Variants in LRRTM3 observed in about 807,000 individuals in gnomAD.
LRRTM3 encodes the protein leucine rich repeat transmembrane neuronal 3.
LRRTM3 carries 24 observed loss-of-function variants against 44.7 expected under a neutral mutation model. That is an observed-to-expected ratio of 0.54 (90% CI 0.39 to 0.76). LRRTM3 has a LOEUF of 0.76. Among genes scored for constraint, LRRTM3 ranks in the 30% least tolerant of loss-of-function variants. LRRTM3 has a pLI of 0.00. For missense variants in LRRTM3, 587 were observed against 702.2 expected (o/e 0.84, Z 1.85); for synonymous variants, 277 against 278.7 (o/e 0.99, Z 0.06).
At chr10:66,929,761 T>C (rs1190684694) in intron 2 of LRRTM3, among the ~76,000 whole-genome samples, 1 of 152,332 alleles carries the variant, frequency 6.6e-6, no homozygotes, top group Middle Eastern at 3.4e-3. Flanking sequence ...GCTGCATGCA[T>C]GTTTTTATGT....
At chr10:67,069,400 C>CA (rs1373764919) in intron 2 of LRRTM3, among the ~76,000 whole-genome samples, 2 of 151,796 alleles carry the variant, frequency 1.3e-5, no homozygotes, top group East Asian at 3.9e-4. Context: ...CTTATTAACT[C>CA]AAAAAACGCT....
At chr10:67,068,749 G>T (rs1232159031) in intron 2 of LRRTM3, among the ~76,000 whole-genome samples, 2 of 152,144 alleles carry the variant, frequency 1.3e-5, no homozygotes, top group Non-Finnish European at 2.9e-5. Context: ...TCCTAGAGTG[G>T]TCAGTGATTA....
chr10:66,985,491 G>T (rs561000349), intron 2 of LRRTM3, among the ~76,000 whole-genome samples: 1 of 152,216 alleles, frequency 6.6e-6, no homozygotes, highest in South Asian at 2.1e-4. Context: ...AGTATACCCA[G>T]CCCTCCTCCT....
chr10:67,018,419 C>T (rs984348854), intron 2 of LRRTM3, among the ~76,000 whole-genome samples: 1 of 152,184 alleles, frequency 6.6e-6, no homozygotes, highest in Non-Finnish European at 1.5e-5. Context: ...TGTCCAAAAC[C>T]ACATTTGTAT....
intron 2 of LRRTM3, among the ~76,000 whole-genome samples, chr10:67,072,494 G>A (rs989515037): frequency 6.6e-6 from 1 of 152,234 alleles, no homozygotes; most frequent in Non-Finnish European, 1.5e-5. Flanking sequence ...AATTCCAAAC[G>A]ATATCTTCCA....
chr10:67,064,870 T>C (rs536523355), intron 2 of LRRTM3, among the ~76,000 whole-genome samples: 10 of 152,288 alleles, frequency 6.6e-5, no homozygotes, highest in Admixed American at 5.9e-4. Flanking sequence ...TATATGTAAG[T>C]ATTTGCAGGT....
chr10:66,944,761 A>G (rs953185962), intron 2 of LRRTM3, among the ~76,000 whole-genome samples: 3 of 152,188 alleles, frequency 2.0e-5, no homozygotes, highest in African/African-American at 7.2e-5. Context: ...TTATTCCCTG[A>G]TTCATAGGCT....
intron 2 of LRRTM3, among the ~76,000 whole-genome samples, chr10:66,940,438 C>CACT (rs1311983472): frequency 1.3e-5 from 2 of 152,160 alleles, no homozygotes; most frequent in African/African-American, 4.8e-5. Context: ...TGCACCACTG[C>CACT]ACTCCAGCCT....
intron 2 of LRRTM3, among the ~76,000 whole-genome samples, chr10:66,977,021 C>T (rs1850076281): frequency 6.6e-6 from 1 of 152,062 alleles, no homozygotes; most frequent in Admixed American, 6.6e-5. Context: ...CAAATGCTTC[C>T]AGGAGAATTA....
chr10:66,993,668 T>G (rs1352254042), intron 2 of LRRTM3, among the ~76,000 whole-genome samples: 8 of 148,482 alleles, frequency 5.4e-5, no homozygotes, highest in African/African-American at 2.0e-4. Context: ...GTACCTACTA[T>G]GCTCTTGCAC....
At chr10:67,078,492 T>G (rs1157855778) in intron 2 of LRRTM3, among the ~76,000 whole-genome samples, 1 of 151,772 alleles carries the variant, frequency 6.6e-6, no homozygotes, top group Non-Finnish European at 1.5e-5. Context: ...TATTATGATT[T>G]ATAAATTTTT....
At chr10:67,003,283 C>G (rs1399607380) in intron 2 of LRRTM3, among the ~76,000 whole-genome samples, 1 of 152,148 alleles carries the variant, frequency 6.6e-6, no homozygotes, top group Non-Finnish European at 1.5e-5. Flanking sequence ...TTTGGCCAAT[C>G]TCCTTTCTTT....
intron 2 of LRRTM3, among the ~76,000 whole-genome samples, chr10:67,080,170 A>G (rs1183008362): frequency 6.6e-6 from 1 of 152,188 alleles, no homozygotes; most frequent in East Asian, 1.9e-4. Flanking sequence ...CTCAAGAAAG[A>G]AAATTATTCC....
intron 2 of LRRTM3, among the ~76,000 whole-genome samples, chr10:66,962,590 T>A (rs2132779798): frequency 6.6e-6 from 1 of 152,042 alleles, no homozygotes; most frequent in Non-Finnish European, 1.5e-5. Context: ...TTTTTCTATT[T>A]TTAGTAGAGA....
chr10:67,051,194 T>C (rs1487885668), intron 2 of LRRTM3, among the ~76,000 whole-genome samples: 1 of 152,228 alleles, frequency 6.6e-6, no homozygotes, highest in Non-Finnish European at 1.5e-5. Context: ...TGAATTATTA[T>C]TCCTCTAGTT....
intron 2 of LRRTM3, among the ~76,000 whole-genome samples, chr10:67,029,392 G>A (rs1400259301): frequency 6.6e-6 from 1 of 152,086 alleles, no homozygotes; most frequent in East Asian, 1.9e-4. Context: ...TGATAAATGG[G>A]GAAGACCTAT....
intron 2 of LRRTM3, among the ~76,000 whole-genome samples, chr10:67,069,704 T>C (rs1856329677): frequency 6.6e-6 from 1 of 152,052 alleles, no homozygotes; most frequent in African/African-American, 2.4e-5. Flanking sequence ...GAATGTTGTG[T>C]CTCACTCAAC....
chr10:67,087,424 A>T (rs1172761643), intron 2 of LRRTM3, among the ~76,000 whole-genome samples: 3 of 152,052 alleles, frequency 2.0e-5, no homozygotes. Context: ...TTATAGGGGG[A>T]AAATCACCAA....
intron 2 of LRRTM3, among the ~76,000 whole-genome samples, chr10:66,976,360 A>G (rs1178261602): frequency 1.3e-5 from 2 of 152,134 alleles, no homozygotes; most frequent in African/African-American, 4.8e-5. Context: ...GTAGAGAAGA[A>G]CATTTCAGAC....
Sources: gnomAD v4.1 joint callset for allele counts (sites outside exome capture counted in the v4.1 genomes callset) on GRCh38, gnomAD v4.1.1 for gene constraint, MANE v1.5 for transcripts, NCBI Gene and HGNC (gene_info 2026-07-23, HGNC 2026-07-21) for gene names.